The following SH3BP4 variants were observed in gnomAD, a reference collection of about 807,000 sequenced individuals.
SH3BP4 encodes SH3 domain-binding protein 4.
SH3BP4 carries 33 observed loss-of-function variants against 65.5 expected under a neutral mutation model. The observed-to-expected ratio is 0.50, with a 90% confidence interval of 0.38 to 0.67. The LOEUF (loss-of-function observed/expected upper bound fraction) is 0.67. Among genes scored for constraint, SH3BP4 ranks in the 30% least tolerant of loss-of-function variants. The probability of loss-of-function intolerance (pLI) is 0.00; values close to 1 mark genes in which losing one functional copy is unlikely to be tolerated. For synonymous variants in SH3BP4, 552 were observed against 545.5 expected (o/e 1.01, Z -0.17); for missense variants, 1,134 against 1,261.4 (o/e 0.90, Z 1.53).
chr2:234,961,376 AT>A (rs1231310569), intron 1 of SH3BP4, among the ~76,000 whole-genome samples: 1 of 152,126 alleles, frequency 6.6e-6, no homozygotes, highest in African/African-American at 2.4e-5. Context: ...AGTTGAAGTG[AT>A]TCTCCTGCTT....
chr2:235,030,028 G>C lies in SH3BP4; in HGVS notation c.-132-4843G>C, dbSNP rs540777897. Among the ~76,000 whole-genome samples, 1 of 152,358 alleles carries C rather than the reference G, an allele frequency of 6.6e-6. No individual in the cohort carries two copies. Among genetic ancestry groups the C allele is most frequent in the East Asian group, 1.9e-4 (1 of 5,182 alleles). On this transcript the variant is annotated intron_variant, in intron 2 of 5. Transcript: ENST00000392011. The surrounding 1 kb of genome is among the most constrained non-coding windows in gnomAD (Gnocchi z 4.1). ...CGAATGTGGCCAGTGATTGATTGAA[G>C]GGTTGAGATCGGCAATATGTAACCC... is the stretch of plus-strand genomic sequence containing the variant.
rs772080803 is a variant in SH3BP4, at chr2:235,041,724, A to G, written c.955A>G (p.Ile319Val). 3 of 1,611,630 alleles carry G rather than the reference A, an allele frequency of 1.9e-6. No homozygotes were observed. The highest frequency in any genetic ancestry group is 2.5e-6 in the Non-Finnish European group (3 of 1,178,598). ...CCAGACCCAAGCCGTGGAGACAAAC[A>G]TCGTGTGCAAGCTGGATAGCTCCGG... ...WGQTQAVETN[I>V]VCKLDSSGGA... Residue 319 changes from isoleucine to valine, a missense_variant, in exon 4 of 6, where the codon ATC becomes GTC. Transcript: ENST00000392011. This position sits in a 1 kb window ranked among gnomAD's most constrained non-coding sequence, Gnocchi z 6.0.
At chr2:234,975,769 G>A (rs13430007) in intron 1 of SH3BP4, among the ~76,000 whole-genome samples, 12,745 of 152,104 alleles carry the variant, frequency 0.084, 1,770 homozygotes, top group African/African-American at 0.29. Context: ...TCAGCTACCC[G>A]GGAGGCTGAG....
At chr2:234,958,842 C>A (rs1225327218) in intron 1 of SH3BP4, among the ~76,000 whole-genome samples, 4 of 151,938 alleles carry the variant, frequency 2.6e-5, no homozygotes, top group African/African-American at 4.8e-5. Context: ...AGAGTGGAGG[C>A]CACGCAGAAG....
intron 1 of SH3BP4, among the ~76,000 whole-genome samples, chr2:234,983,942 G>A (rs953338659): frequency 1.1e-4 from 17 of 152,236 alleles, no homozygotes; most frequent in African/African-American, 4.1e-4. Flanking sequence ...GAGAGTCAAT[G>A]TGTGTTTTAA....
chr2:235,003,238 A>C (rs1559239377), intron 2 of SH3BP4, among the ~76,000 whole-genome samples: 1 of 152,262 alleles, frequency 6.6e-6, no homozygotes, highest in Non-Finnish European at 1.5e-5. Flanking sequence ...CCCAGGAAGC[A>C]GTACCCAAGG....
chr2:234,966,584 G>A (rs1692845017), intron 1 of SH3BP4, among the ~76,000 whole-genome samples: 1 of 152,222 alleles, frequency 6.6e-6, no homozygotes, highest in South Asian at 2.1e-4. Context: ...ATACCACGCA[G>A]TAAATCTTGT....
At position 234,954,592 on chromosome 2, in the gene SH3BP4, C is replaced by T. The variant is rs1254352022; in HGVS notation, c.-207+2422C>T. Among the ~76,000 whole-genome samples, 3 of 152,180 alleles carry T rather than the reference C, an allele frequency of 2.0e-5. 1 individual carries two copies. Among genetic ancestry groups the T allele is most frequent in the Non-Finnish European group, 4.4e-5 (3 of 68,028 alleles). On this transcript the variant is annotated intron_variant, in intron 1 of 5. Coordinates refer to ENST00000392011, the MANE Select transcript of SH3BP4 (RefSeq NM_014521.3). ...AGGGAGGACCTTCCTGGCTTTTCTC[C>T]CTTGCTCTTGTTTGCTAATCCGGCA...
rs1026450357 is a variant in SH3BP4 at position 234,952,977 on chromosome 2, T to A, written c.-207+807T>A. ...GGTTGGGGACAGGCCCAGCTGGCCC[T>A]GACCGGGTGTCGGGCGCCCAGAGAT... On this transcript the variant is annotated intron_variant, in intron 1 of 5. Coordinates refer to ENST00000392011, the MANE Select transcript of SH3BP4 (RefSeq NM_014521.3). This position sits in a 1 kb window ranked among gnomAD's most constrained non-coding sequence, Gnocchi z 6.5. The A allele has an allele frequency of 6.6e-6, 1 of 152,226 alleles. No homozygotes were observed. Among genetic ancestry groups the A allele is most frequent in the African/African-American group, 2.4e-5 (1 of 41,462 alleles). 9.4% of individuals were successfully genotyped at this position (152,226 alleles called of 1,614,324 possible). A position where few individuals can be genotyped will look rare whatever the true frequency, so the allele number is the denominator to read the frequency against.
intron 2 of SH3BP4, among the ~76,000 whole-genome samples, chr2:235,007,399 C>G (rs1375905337): frequency 6.6e-6 from 1 of 152,134 alleles, no homozygotes; most frequent in East Asian, 1.9e-4. Flanking sequence ...TCCCAGCCCC[C>G]CAGGGACACT....
At chr2:235,024,352 T>C (rs540845580) in intron 2 of SH3BP4, among the ~76,000 whole-genome samples, 54 of 152,314 alleles carry the variant, frequency 3.5e-4, no homozygotes, top group Admixed American at 1.9e-3. Flanking sequence ...CTGGGGTGTG[T>C]TGGCGCTTTT....
rs1197727845 is a variant in SH3BP4, at chr2:234,974,635, G to A, written c.-206-20668G>A. Among the ~76,000 whole-genome samples the A allele has an allele frequency of 1.3e-5, 2 of 152,182 alleles. No individual in the cohort carries two copies. Among genetic ancestry groups the A allele is most frequent in the Non-Finnish European group, 2.9e-5 (2 of 68,042 alleles). ...GGGCCTTCTGGTGCTCAGGGCCCCC[G>A]TTCCCTGGTCTCATTTTACACTAAC... On this transcript the variant is annotated intron_variant, in intron 1 of 5. Coordinates refer to ENST00000392011, the MANE Select transcript of SH3BP4 (RefSeq NM_014521.3). The surrounding 1 kb of genome is among the most constrained non-coding windows in gnomAD (Gnocchi z 4.6).
rs538012901 is a variant in SH3BP4 at position 235,041,006 on chromosome 2, C to T, written c.237C>T (p.Gly79=). ...TCACCACACTGAAGTTCTCCAAGGGCGACCATCTCTACGTCTTGGACACAT... is the reference window on the plus strand; with the variant it reads ...TCACCACACTGAAGTTCTCCAAGGGTGACCATCTCTACGTCTTGGACACAT... ...TNFTTLKFSK[G]DHLYVLDTSG... is the part of the protein sequence containing the mutation. Residue 79 remains glycine, a synonymous_variant, in exon 4 of 6, where the codon GGC becomes GGT. Coordinates refer to ENST00000392011, the MANE Select transcript of SH3BP4 (RefSeq NM_014521.3). The surrounding 1 kb of genome is among the most constrained non-coding windows in gnomAD (Gnocchi z 6.0). The T allele has an allele frequency of 9.3e-6, 15 of 1,614,146 alleles. No individual in the cohort carries two copies. The highest frequency in any genetic ancestry group is 6.7e-5 in the African/African-American group (5 of 75,040).
At chr2:235,053,173 G>A (rs1445278125) in intron 5 of SH3BP4, among the ~76,000 whole-genome samples, 2 of 152,202 alleles carry the variant, frequency 1.3e-5, no homozygotes, top group Admixed American at 6.5e-5. Context: ...GGTCCTTTGT[G>A]TTCTCGCATG....
At chr2:235,050,726 GGGCTC>G (rs1312192333) in intron 4 of SH3BP4, among the ~76,000 whole-genome samples, 1 of 152,040 alleles carries the variant, frequency 6.6e-6, no homozygotes. Context: ...TAAAACAGCT[GGGCTC>G]GCTTTGAAGT....
At chr2:235,006,513 G>T (rs1044754857) in intron 2 of SH3BP4, among the ~76,000 whole-genome samples, 1 of 152,180 alleles carries the variant, frequency 6.6e-6, no homozygotes, top group Non-Finnish European at 1.5e-5. Flanking sequence ...CTGGCTGCAG[G>T]CGGGACCACA....
chr2:235,049,104 A>G (rs1695966535), intron 4 of SH3BP4, among the ~76,000 whole-genome samples: 1 of 152,178 alleles, frequency 6.6e-6, no homozygotes, highest in Non-Finnish European at 1.5e-5. Flanking sequence ...AAAGTTGTGT[A>G]AGTGAGTGAG....
intron 4 of SH3BP4, among the ~76,000 whole-genome samples, chr2:235,048,342 CT>C (rs1415515246): frequency 6.6e-6 from 1 of 152,184 alleles, no homozygotes; most frequent in East Asian, 1.9e-4. Context: ...TCCCCCGCCC[CT>C]TTTTTGAGAA....
chr2:235,043,352 G>C, intron 4 of SH3BP4, 105 bp downstream of exon 4: 1 of 825,936 alleles, frequency 1.2e-6, no homozygotes, highest in Non-Finnish European at 1.9e-6. Flanking sequence ...AAGTCACCAG[G>C]ACAGTGTCTG....
Sources: gnomAD v4.1 joint callset for allele counts (sites outside exome capture counted in the v4.1 genomes callset) on GRCh38, gnomAD v4.1.1 for gene constraint, Gnocchi (gnomAD v3.1) non-coding constraint, MANE v1.5 for transcripts, NCBI Gene and HGNC (gene_info 2026-07-23, HGNC 2026-07-21) for gene names.